Variants in ANKRD11 observed in about 807,000 individuals in gnomAD.
ANKRD11 encodes the protein ankyrin repeat domain-containing protein 11.
A neutral mutation model predicts 195.7 loss-of-function variants in ANKRD11; 17 were observed. The ratio of observed to expected loss-of-function variants is 0.09; its 90% CI spans 0.06 to 0.13. The LOEUF is 0.13. ANKRD11 is among the 10% of genes least tolerant of loss of function. ANKRD11 has a pLI of 1.00. For synonymous variants in ANKRD11, 1,953 were observed against 1,528.1 expected (o/e 1.28, Z -6.49); for missense variants, 3,735 against 3,566.1 (o/e 1.05, Z -1.21).
chr16:89,477,250 T>A (rs910827491), intron 1 of ANKRD11, among the ~76,000 whole-genome samples: 2 of 151,640 alleles, frequency 1.3e-5, no homozygotes, highest in African/African-American at 2.4e-5. Flanking sequence ...TGGAGTGCAG[T>A]GGCGCCATCT....
At chr16:89,480,628 C>T (rs1469639838) in intron 1 of ANKRD11, among the ~76,000 whole-genome samples, 2 of 152,016 alleles carry the variant, frequency 1.3e-5, no homozygotes, top group Non-Finnish European at 1.5e-5. Context: ...ACAGAATCCC[C>T]GTTCTTCTTT....
chr16:89,451,020 G>T (rs942546542), intron 1 of ANKRD11, among the ~76,000 whole-genome samples: 5 of 152,158 alleles, frequency 3.3e-5, no homozygotes, highest in African/African-American at 1.2e-4. Context: ...TTTCTGTAAA[G>T]TTTTAGTTTT....
chr16:89,437,322 G>GA, intron 1 of ANKRD11, among the ~76,000 whole-genome samples: 1 of 152,318 alleles, frequency 6.6e-6, no homozygotes, highest in African/African-American at 2.4e-5. Flanking sequence ...ACCAAAAAGT[G>GA]AAAGACTGTA....
intron 2 of ANKRD11, among the ~76,000 whole-genome samples, chr16:89,411,370 T>C (rs1477447672): frequency 1.3e-5 from 2 of 152,250 alleles, no homozygotes; most frequent in African/African-American, 4.8e-5. Context: ...CAGGCTGCCC[T>C]GGCTGGGCCA....
chr16:89,384,872 T>C (rs1452921828), intron 2 of ANKRD11, among the ~76,000 whole-genome samples: 3 of 132,336 alleles, frequency 2.3e-5, no homozygotes, highest in South Asian at 2.5e-4. Flanking sequence ...CAATGAGAAA[T>C]AGTTTTCTTT....
chr16:89,393,506 T>G (rs1261569728), intron 2 of ANKRD11, among the ~76,000 whole-genome samples: 1 of 150,344 alleles, frequency 6.7e-6, no homozygotes, highest in African/African-American at 2.4e-5. Context: ...TTTTTTTTTT[T>G]TTGTATTTTT....
chr16:89,279,069 C>T lies in ANKRD11; in HGVS notation c.7470+3G>A. ...CAGTGGCTCTCCCGGGCCCCGCACT[C>T]ACCACGGGGATGTGGAGCTTGCTGA... On this transcript the variant is annotated splice_donor_region_variant and intron_variant, in intron 9 of 12. Transcript: ENST00000301030. This position sits in a 1 kb window ranked among gnomAD's most constrained non-coding sequence, Gnocchi z 5.6. The T allele has an allele frequency of 1.2e-6, 2 of 1,613,942 alleles. No individual in the cohort carries two copies. The highest frequency in any genetic ancestry group is 1.7e-6 in the Non-Finnish European group (2 of 1,179,922).
chr16:89,424,042 G>C (rs1391499109), intron 1 of ANKRD11, among the ~76,000 whole-genome samples: 2 of 152,026 alleles, frequency 1.3e-5, no homozygotes, highest in Non-Finnish European at 2.9e-5. Context: ...CATAGTACTC[G>C]ACCAGTGAGG....
chr16:89,392,139 T>C (rs548779578), intron 2 of ANKRD11, among the ~76,000 whole-genome samples: 4 of 152,174 alleles, frequency 2.6e-5, no homozygotes, highest in East Asian at 1.9e-4. Flanking sequence ...ACACAGCAGT[T>C]GGTATAAAAA....
At position 89,334,144 on chromosome 16, in the gene ANKRD11, T is replaced by TAAAAAA. The variant is rs869142504; in HGVS notation, c.-59-17072_-59-17067dup. Among the ~76,000 whole-genome samples the TAAAAAA allele has an allele frequency of 3.2e-3, 131 of 41,410 alleles. 25 individuals are homozygous for TAAAAAA. Among genetic ancestry groups the TAAAAAA allele is most frequent in the African/African-American group, 0.012 (124 of 10,442 alleles). 27.2% of individuals were successfully genotyped at this position (41,410 alleles called of 152,430 possible). Reference sequence around the variant, plus strand: ...GGTAACATGATGAAACCCTGTGTTTTAAAAAAAAAAAAAAAAAAAAAAAAA... The same window carrying TAAAAAA: ...GGTAACATGATGAAACCCTGTGTTTTAAAAAAAAAAAAAAAAAAAAAAAAAAAAAAA... On this transcript the variant is annotated intron_variant, in intron 2 of 12. Transcript: ENST00000301030.
rs71372801 is a variant in ANKRD11, at chr16:89,290,456, T to G, written c.601+169A>C. On this transcript the variant is annotated intron_variant, in intron 6 of 12. Coordinates refer to ENST00000301030, the MANE Select transcript of ANKRD11 (RefSeq NM_013275.6). ...GGGGAGGCTCAGGGCTCCAATGGGGTGAGGCTCAGGGCTCCAGCGGGGGAG... is the reference window on the plus strand; with the variant it reads ...GGGGAGGCTCAGGGCTCCAATGGGGGGAGGCTCAGGGCTCCAGCGGGGGAG... Among the ~76,000 whole-genome samples the G allele has an allele frequency of 0.33, 7,254 of 22,036 alleles. 1,639 individuals carry two copies. The highest frequency in any genetic ancestry group is 0.41 in the African/African-American group (2,159 of 5,310). 14.5% of individuals were successfully genotyped at this position (22,036 alleles called of 152,430 possible).
intron 1 of ANKRD11, among the ~76,000 whole-genome samples, chr16:89,469,429 C>T (rs1442742494): frequency 1.3e-5 from 2 of 151,836 alleles, no homozygotes; most frequent in African/African-American, 2.4e-5. Context: ...CACTGTGTTG[C>T]CCAGGATGGT....
chr16:89,276,979 C>T (rs890837755), intron 9 of ANKRD11, among the ~76,000 whole-genome samples: 2 of 150,964 alleles, frequency 1.3e-5, no homozygotes, highest in East Asian at 2.0e-4. Flanking sequence ...TTGCTTGAAC[C>T]GGGGAGGTGG....
At chr16:89,477,541 G>A (rs2057300124) in intron 1 of ANKRD11, among the ~76,000 whole-genome samples, 1 of 151,860 alleles carries the variant, frequency 6.6e-6, no homozygotes, top group South Asian at 2.1e-4. Context: ...ATTTTTAGAA[G>A]AGACAGGGTT....
At chr16:89,454,385 T>C (rs1357036303) in intron 1 of ANKRD11, among the ~76,000 whole-genome samples, 1 of 152,156 alleles carries the variant, frequency 6.6e-6, no homozygotes, top group South Asian at 2.1e-4. Context: ...TTGCAAATCT[T>C]ACATCCTTGA....
At chr16:89,353,199 G>C (rs575512980) in intron 2 of ANKRD11, among the ~76,000 whole-genome samples, 121 of 152,048 alleles carry the variant, frequency 8.0e-4, no homozygotes, top group African/African-American at 2.8e-3. Context: ...AAAATTAGCC[G>C]TGCATGGTGG....
intron 3 of ANKRD11, 27 bp from the exon 4 acceptor site, chr16:89,305,371 C>T (rs768085350): frequency 2.4e-5 from 38 of 1,613,530 alleles, no homozygotes; most frequent in East Asian, 1.1e-4. Flanking sequence ...TGCTTTCAGT[C>T]GTGATGTCCA....
chr16:89,397,925 C>T (rs1048547773), intron 2 of ANKRD11, among the ~76,000 whole-genome samples: 1 of 152,382 alleles, frequency 6.6e-6, no homozygotes, highest in Admixed American at 6.5e-5. Context: ...CGGGTGGCAA[C>T]ACAGGACCCT....
intron 2 of ANKRD11, among the ~76,000 whole-genome samples, chr16:89,401,225 G>C (rs1422325864): frequency 6.6e-6 from 1 of 151,942 alleles, no homozygotes; most frequent in Non-Finnish European, 1.5e-5. Flanking sequence ...TTCCAAGACG[G>C]CCGCCACCAC....
Sources: gnomAD v4.1 joint callset for allele counts (sites outside exome capture counted in the v4.1 genomes callset) on GRCh38, gnomAD v4.1.1 for gene constraint, Gnocchi (gnomAD v3.1) non-coding constraint, MANE v1.5 for transcripts, NCBI Gene and HGNC (gene_info 2026-07-23, HGNC 2026-07-21) for gene names.